The following ESR1 variants were observed in gnomAD, a reference collection of about 807,000 sequenced individuals.
The protein encoded by ESR1 is estrogen receptor.
In ESR1, 12 loss-of-function variants were observed where a neutral mutation model predicts 52.7. The ratio of observed to expected loss-of-function variants is 0.23; its 90% confidence interval spans 0.15 to 0.37. The LOEUF is 0.37. Ranked by LOEUF, ESR1 falls within the 10% of genes least tolerant of loss-of-function variation. ESR1 has a pLI of 1.00. For missense variants in ESR1, 584 were observed against 779.7 expected, an observed-to-expected ratio of 0.75 and a Z score of 2.99; for synonymous variants, 305 against 316.8, an observed-to-expected ratio of 0.96 and a Z score of 0.39.
intron 1 of ESR1, among the ~76,000 whole-genome samples, chr6:151,835,292 G>A (rs1241231698): frequency 1.3e-5 from 2 of 152,160 alleles, no homozygotes; most frequent in African/African-American, 2.4e-5. Context: ...TGCAGAGTGG[G>A]TATTTAGCAC....
intron 1 of ESR1, chr6:151,656,907 G>A (rs976264600): frequency 2.0e-5 from 3 of 152,148 alleles, no homozygotes; most frequent in African/African-American, 7.2e-5. Flanking sequence ...GTCTCAAAAG[G>A]TGATACCAAG....
intron 5 of ESR1, among the ~76,000 whole-genome samples, chr6:152,038,736 A>G (rs962744646): frequency 6.6e-6 from 1 of 152,012 alleles, no homozygotes; most frequent in African/African-American, 2.4e-5. Context: ...GGTTCAAGCA[A>G]TTCTCTGCCT....
intron 3 of ESR1, among the ~76,000 whole-genome samples, chr6:151,890,661 AC>A (rs1400256075): frequency 6.6e-6 from 1 of 151,966 alleles, no homozygotes; most frequent in Non-Finnish European, 1.5e-5. Context: ...TCATTTAGGT[AC>A]TCCAATGTTG....
At chr6:152,107,186 T>C (rs1274775286), downstream of ESR1, among the ~76,000 whole-genome samples, 1 of 152,150 alleles carries the variant, frequency 6.6e-6, no homozygotes, top group Non-Finnish European at 1.5e-5. Flanking sequence ...ATAATGTTTT[T>C]CCCCCTTCAT....
intron 1 of ESR1, among the ~76,000 whole-genome samples, chr6:151,819,129 C>A (rs1031014219): frequency 6.6e-6 from 1 of 152,162 alleles, no homozygotes; most frequent in Non-Finnish European, 1.5e-5. Context: ...GCTGATTCTA[C>A]CCAGAAGTCA....
At chr6:151,675,234 T>G (rs1222520699) in intron 1 of ESR1, among the ~76,000 whole-genome samples, 2 of 152,210 alleles carry the variant, frequency 1.3e-5, no homozygotes, top group Non-Finnish European at 2.9e-5. Flanking sequence ...ACGTGCGTAT[T>G]CATTGATTTA....
chr6:151,695,620 C>G (rs1045014686), intron 1 of ESR1, among the ~76,000 whole-genome samples: 1 of 152,130 alleles, frequency 6.6e-6, no homozygotes, highest in Non-Finnish European at 1.5e-5. Flanking sequence ...ATCCTTCTTT[C>G]CTCTGCTGTT....
intron 4 of ESR1, among the ~76,000 whole-genome samples, chr6:151,970,283 C>T (rs1584545368): frequency 6.6e-6 from 1 of 152,240 alleles, no homozygotes; most frequent in East Asian, 1.9e-4. Flanking sequence ...ACAGGTTCCT[C>T]TCCTCCAGGA....
chr6:151,896,470 T>C (rs1795523604), intron 3 of ESR1, among the ~76,000 whole-genome samples: 1 of 152,184 alleles, frequency 6.6e-6, no homozygotes, highest in South Asian at 2.1e-4. Context: ...AGTTTATGTG[T>C]GTAAAGGTGT....
At chr6:151,763,287 T>C (rs991006990) in intron 2 of ESR1, among the ~76,000 whole-genome samples, 11 of 152,098 alleles carry the variant, frequency 7.2e-5, no homozygotes, top group Non-Finnish European at 1.5e-4. Flanking sequence ...TCTTTCCATA[T>C]ATAATCACCT....
intron 1 of ESR1, among the ~76,000 whole-genome samples, chr6:151,691,792 A>G (rs1778967724): frequency 6.6e-6 from 1 of 152,232 alleles, no homozygotes; most frequent in Admixed American, 6.5e-5. Flanking sequence ...TTTGAGAACC[A>G]TGGATGGTTC....
Position 152,002,645 on chromosome 6 carries a change from T to C in ESR1, c.1097-9011T>C, listed in dbSNP as rs142997196. Among the ~76,000 whole-genome samples the C allele has an allele frequency of 3.9e-4, 59 of 152,150 alleles. No homozygotes were observed. In the East Asian group the frequency reaches 8.6e-3, roughly 22 times the overall value. The stretch of plus-strand genomic sequence containing the variant: ...AGTACTTTACTTCATAGTTTATTAA[T>C]TTTTTCCCTTCTTTAGTTTGCAATC... On this transcript the variant is annotated intron_variant, in intron 4 of 7. Coordinates refer to ENST00000206249, the MANE Select transcript of ESR1 (RefSeq NM_000125.4).
intron 6 of ESR1, among the ~76,000 whole-genome samples, chr6:152,111,727 G>A (rs746529057): frequency 1.4e-4 from 22 of 152,294 alleles, no homozygotes; most frequent in African/African-American, 5.1e-4. Flanking sequence ...GGTGCAGGCA[G>A]CTGCAGGAAC....
At chr6:151,847,664 C>A (rs1462205473) in intron 2 of ESR1, among the ~76,000 whole-genome samples, 1 of 131,224 alleles carries the variant, frequency 7.6e-6, no homozygotes. Context: ...GAGTAGGTTG[C>A]GAAAATTTTC....
chr6:152,085,794 A>T (rs2049663639), intron 6 of ESR1, among the ~76,000 whole-genome samples: 1 of 152,190 alleles, frequency 6.6e-6, no homozygotes, highest in Non-Finnish European at 1.5e-5. Context: ...CAAGTGAGTC[A>T]TGAGTCCACT....
intron 4 of ESR1, among the ~76,000 whole-genome samples, chr6:151,985,112 G>A (rs763904352): frequency 8.6e-5 from 13 of 152,034 alleles, no homozygotes; most frequent in Non-Finnish European, 1.8e-4. Flanking sequence ...TCAGCATAAC[G>A]TTATGTGCTC....
intron 5 of ESR1, among the ~76,000 whole-genome samples, chr6:152,050,405 A>AT (rs554116998): frequency 5.3e-5 from 8 of 151,928 alleles, no homozygotes; most frequent in Non-Finnish European, 8.8e-5. Context: ...TTTTACCTCC[A>AT]TTTTTTCAGA....
intron 2 of ESR1, among the ~76,000 whole-genome samples, chr6:151,726,216 C>T (rs1781826989): frequency 6.6e-6 from 1 of 152,112 alleles, no homozygotes; most frequent in Non-Finnish European, 1.5e-5. Flanking sequence ...CTATTTAATC[C>T]CTGTTTAACT....
chr6:151,714,435 G>A (rs1780863379), intron 2 of ESR1, among the ~76,000 whole-genome samples: 1 of 152,104 alleles, frequency 6.6e-6, no homozygotes. Flanking sequence ...TGACAGTGGG[G>A]TGTTAAAGTC....
Sources: gnomAD v4.1 joint callset for allele counts (sites outside exome capture counted in the v4.1 genomes callset) on GRCh38, gnomAD v4.1.1 for gene constraint, MANE v1.5 for transcripts, NCBI Gene and HGNC (gene_info 2026-07-23, HGNC 2026-07-21) for gene names.